The following NPSR1 variants were observed in gnomAD, a reference collection of about 807,000 sequenced individuals.
NPSR1 encodes the protein neuropeptide S receptor.
NPSR1 carries 48 observed loss-of-function variants against 46.9 expected under a neutral mutation model. That is an observed-to-expected ratio of 1.02 (90% confidence interval 0.81 to 1.30). The LOEUF (loss-of-function observed/expected upper bound fraction) is 1.30. Among genes scored for constraint, NPSR1 ranks in the 50% most tolerant of loss-of-function variants. NPSR1 has a pLI of 0.00. For synonymous variants in NPSR1, 176 were observed against 168.1 expected, an observed-to-expected ratio of 1.05 and a Z score of -0.36; for missense variants, 450 against 449.5, an observed-to-expected ratio of 1.00 and a Z score of -0.01.
intron 2 of NPSR1, among the ~76,000 whole-genome samples, chr7:34,732,857 C>T (rs1415379695): frequency 3.3e-5 from 5 of 152,098 alleles, no homozygotes; most frequent in Non-Finnish European, 5.9e-5. Flanking sequence ...CAAAGGGGTG[C>T]TAATTCCTAA....
chr7:34,684,906 T>C (rs954074228), intron 2 of NPSR1, among the ~76,000 whole-genome samples: 1 of 152,238 alleles, frequency 6.6e-6, no homozygotes, highest in Non-Finnish European at 1.5e-5. Context: ...ACTACACTAA[T>C]GGAAATATCA....
intron 3 of NPSR1, among the ~76,000 whole-genome samples, chr7:34,795,697 T>C (rs1243556140): frequency 1.3e-5 from 2 of 152,094 alleles, no homozygotes; most frequent in African/African-American, 4.8e-5. Context: ...ATAAATTTAA[T>C]AAAATATGTG....
At chr7:34,776,023 T>A (rs2128735602) in intron 2 of NPSR1, among the ~76,000 whole-genome samples, 1 of 152,302 alleles carries the variant, frequency 6.6e-6, no homozygotes, top group African/African-American at 2.4e-5. Flanking sequence ...GATTTCCATG[T>A]ATTTGTATAG....
intron 4 of NPSR1, among the ~76,000 whole-genome samples, chr7:34,819,915 C>T (rs1789469899): frequency 6.6e-6 from 1 of 152,098 alleles, no homozygotes; most frequent in South Asian, 2.1e-4. Context: ...ACACCGGGGC[C>T]TGTCAGGGAG....
intron 3 of NPSR1, among the ~76,000 whole-genome samples, chr7:34,799,459 C>CA (rs1788363996): frequency 1.3e-5 from 2 of 151,528 alleles, no homozygotes; most frequent in African/African-American, 4.9e-5. Context: ...CATATCCAGC[C>CA]AAACTAAGCA....
At chr7:34,861,733 A>G (rs1050362443) in intron 8 of NPSR1, among the ~76,000 whole-genome samples, 3 of 151,888 alleles carry the variant, frequency 2.0e-5, no homozygotes, top group African/African-American at 4.9e-5. Context: ...AGAGAAGGGG[A>G]AGGCAGAGCT....
intron 2 of NPSR1, among the ~76,000 whole-genome samples, chr7:34,697,960 AT>A (rs1162207326): frequency 6.6e-6 from 1 of 152,140 alleles, no homozygotes; most frequent in Non-Finnish European, 1.5e-5. Context: ...ACCTATTTTA[AT>A]TTGTTTATAA....
chr7:34,874,189 C>T (rs1340069091), intron 8 of NPSR1, among the ~76,000 whole-genome samples: 1 of 152,186 alleles, frequency 6.6e-6, no homozygotes, highest in African/African-American at 2.4e-5. Context: ...GGAGCCTTGG[C>T]ATGCTGGCCA....
At chr7:34,691,793 G>A (rs920350793) in intron 2 of NPSR1, among the ~76,000 whole-genome samples, 1 of 150,448 alleles carries the variant, frequency 6.6e-6, no homozygotes, top group East Asian at 1.9e-4. Flanking sequence ...TCAGTAGACA[G>A]ATCATCAAGG....
chr7:34,700,188 G>C (rs941538437), intron 2 of NPSR1, among the ~76,000 whole-genome samples: 2 of 152,140 alleles, frequency 1.3e-5, no homozygotes, highest in Admixed American at 1.3e-4. Flanking sequence ...AAAGTCATAA[G>C]GCGGATGTAA....
At chr7:34,742,160 C>T (rs1784970743) in intron 2 of NPSR1, among the ~76,000 whole-genome samples, 1 of 147,792 alleles carries the variant, frequency 6.8e-6, no homozygotes. Context: ...GCTATTCTCT[C>T]AATCTCTCTC....
At chr7:34,788,137 G>T (rs115312325) in intron 3 of NPSR1, among the ~76,000 whole-genome samples, 58 of 152,092 alleles carry the variant, frequency 3.8e-4, no homozygotes, top group African/African-American at 1.3e-3. Flanking sequence ...AACTAAAATG[G>T]GGGTGGTAGA....
chr7:34,819,647 A>G (rs1202370829), intron 4 of NPSR1, among the ~76,000 whole-genome samples: 2 of 152,246 alleles, frequency 1.3e-5, no homozygotes, highest in East Asian at 3.8e-4. Flanking sequence ...CACTATTCAC[A>G]ATAGCAAAGA....
At chr7:34,835,811 G>A (rs920911259) in intron 6 of NPSR1, among the ~76,000 whole-genome samples, 10 of 152,180 alleles carry the variant, frequency 6.6e-5, no homozygotes, top group African/African-American at 2.4e-4. Flanking sequence ...TAGGGCCTTG[G>A]GTCTTGGCCC....
In NPSR1 at chr7:34,834,403, A is replaced by G; in HGVS notation, c.700A>G (p.Ile234Val). The part of the protein sequence containing the change: ...TIISIMYGIV[I>V]RTIWIKSKTY... ...CTGCAGCATCATGTATGGCATTGTG[A>G]TCCGAACTATTTGGATTAAAAGCAA... Residue 234 changes from isoleucine (I) to valine (V), a missense_variant, in exon 6 of 9, where the codon ATC becomes GTC. By Grantham distance (29) the Ile-to-Val change is conservative (BLOSUM62 3). Transcript: ENST00000360581. 1 of 1,613,548 alleles carries G rather than the reference A, an allele frequency of 6.2e-7. No individual in the cohort carries two copies. Among genetic ancestry groups the G allele is most frequent in the Non-Finnish European group, 8.5e-7 (1 of 1,179,482 alleles).
Position 34,877,960 on chromosome 7 carries a change from G to C in NPSR1, c.1026-116G>C, listed in dbSNP as rs1791615377. ...AGTACAAAGTGAAGAACCGAGGCGG[G>C]AGGTAGACTATATCTTATGAGAAAT... is the stretch of plus-strand genomic sequence containing the variant. On this transcript the variant is annotated intron_variant, in intron 8 of 8. Coordinates refer to the NPSR1 transcript ENST00000359791. The C allele has an allele frequency of 2.3e-5, 14 of 603,606 alleles. No individual in the cohort carries two copies. In the South Asian group the frequency reaches 3.0e-4, roughly 13 times the overall value. The allele number at this position is 603,606 out of a possible 1,614,324, so 37.4% of individuals were successfully genotyped here. A position where few individuals can be genotyped will look rare whatever the true frequency, so the allele number is the denominator to read the frequency against.
intron 4 of NPSR1, among the ~76,000 whole-genome samples, chr7:34,820,755 T>C (rs1179241309): frequency 5.9e-5 from 9 of 152,160 alleles, no homozygotes; most frequent in Non-Finnish European, 1.0e-4. Flanking sequence ...TTCCAGATTA[T>C]AGTTAGATTT....
chr7:34,872,768 A>G (rs1791488323), intron 8 of NPSR1, among the ~76,000 whole-genome samples: 1 of 151,712 alleles, frequency 6.6e-6, no homozygotes, highest in South Asian at 2.1e-4. Flanking sequence ...ACAGCACAGG[A>G]AATACTTCCC....
intron 1 of NPSR1, among the ~76,000 whole-genome samples, chr7:34,677,901 G>A (rs1417152322): frequency 6.6e-6 from 1 of 152,198 alleles, no homozygotes; most frequent in South Asian, 2.1e-4. Context: ...CTTGGGCGAG[G>A]CCATGGATGG....
Sources: allele counts gnomAD v4.1 joint callset (sites outside exome capture counted in the v4.1 genomes callset), GRCh38; gene constraint gnomAD v4.1.1; transcripts MANE v1.5; gene names NCBI Gene and HGNC (gene_info 2026-07-23, HGNC 2026-07-21).